CDH15: variants seen among roughly 807,000 people sequenced by gnomAD.
CDH15 encodes the protein cadherin-15.
CDH15 carries 73 observed loss-of-function variants against 69.4 expected under a neutral mutation model. The ratio of observed to expected loss-of-function variants is 1.05; its 90% CI spans 0.87 to 1.28. CDH15 has a LOEUF of 1.28. Ranked by LOEUF, CDH15 falls within the 50% of genes most tolerant of loss-of-function variation. CDH15 has a pLI of 0.00. For missense variants in CDH15, 1,343 were observed against 1,133.6 expected (o/e 1.18, Z -2.65); for synonymous variants, 624 against 507.7 (o/e 1.23, Z -3.08).
chr16:89,189,653 C>T (rs903192198), intron 7 of CDH15, among the ~76,000 whole-genome samples: 2 of 152,256 alleles, frequency 1.3e-5, no homozygotes, highest in Non-Finnish European at 2.9e-5. Context: ...AAAATCACAG[C>T]TGCACACCTG....
rs116961880 is a variant in CDH15 at position 89,177,345 on chromosome 16, G to A, written c.43-2071G>A. Among the ~76,000 whole-genome samples the A allele has an allele frequency of 3.8e-3, 580 of 152,296 alleles. 2 individuals carry two copies. Among genetic ancestry groups the A allele is most frequent in the Non-Finnish European group, 6.7e-3 (457 of 68,012 alleles). ...CCTTAACCACAATGAGGTGAAAGGG[G>A]AACACAGCTCCTCACTTTTGCCAGG... On this transcript the variant is annotated intron_variant, in intron 1 of 13. Coordinates refer to ENST00000289746, the MANE Select transcript of CDH15 (RefSeq NM_004933.3).
At chr16:89,193,428 C>A in intron 11 of CDH15, 42 bp from the exon 12 acceptor site, 2 of 1,559,114 alleles carry the variant, frequency 1.3e-6, no homozygotes, top group South Asian at 1.2e-5. Flanking sequence ...CCTGAAGTCG[C>A]GCCCTGTGCC....
chr16:89,178,442 T>C (rs912347292), intron 1 of CDH15, among the ~76,000 whole-genome samples: 3 of 151,914 alleles, frequency 2.0e-5, no homozygotes, highest in Admixed American at 6.6e-5. Flanking sequence ...GGTGAAGAGA[T>C]GAAGATTTTA....
Position 89,187,608 on chromosome 16 carries a change from C to A in CDH15, c.792+51C>A, listed in dbSNP as rs776127414. ...AGTAGCCCCTGCTTAGAGCTGCCTT[C>A]CCTTCTTGGGCTCCTGCAGAAGGCA... is the stretch of plus-strand genomic sequence containing the variant. On this transcript the variant is annotated intron_variant, in intron 6 of 13. Transcript: ENST00000289746. 1.9e-6 allele frequency: 3 copies of A among 1,609,720 alleles called. No homozygotes were observed. The Admixed American group carries it at 5.0e-5, about 27-fold the overall frequency.
chr16:89,182,276 C>G (rs555770046), intron 3 of CDH15, among the ~76,000 whole-genome samples: 36 of 55,798 alleles, frequency 6.5e-4, no homozygotes, highest in South Asian at 9.6e-4. Flanking sequence ...CCCCAAGCCT[C>G]CCCTCCCCCA....
rs750800895 is a variant in CDH15, at chr16:89,194,988, G to A, written c.2278G>A (p.Asp760Asn). Residue 760 changes from aspartate (D) to asparagine (N), a missense_variant, in exon 14 of 14, where the codon GAC (aspartate) becomes AAC (asparagine). Asp to Asn is a conservative substitution (Grantham distance 23). Transcript: ENST00000289746. ...CATCCTGTCCAGCCAGGGCGATGAG[G>A]ACCAGGACTACGACTACCTCAGAGA... Reference protein sequence around the residue: ...SSILSSQGDEDQDYDYLRDWG... With the variant: ...SSILSSQGDENQDYDYLRDWG... 2.5e-6 allele frequency: 4 copies of A among 1,611,832 alleles called. No individual in the cohort carries two copies. The highest frequency in any genetic ancestry group is 1.1e-5 in the South Asian group (1 of 90,896).
intron 3 of CDH15, chr16:89,182,822 A>G (rs1915407811): frequency 6.6e-6 from 1 of 152,060 alleles, no homozygotes; most frequent in Non-Finnish European, 1.5e-5. Flanking sequence ...TCACTTGGAA[A>G]CTGTAATTGT....
chr16:89,193,984 A>G (rs1915725893), intron 13 of CDH15, 71 bp downstream of exon 13: 2 of 1,499,706 alleles, frequency 1.3e-6, no homozygotes, highest in Non-Finnish European at 1.8e-6. Context: ...ACATGTACAC[A>G]CCTGCACATG....
chr16:89,183,465 G>T, intron 3 of CDH15, 83 bp from the exon 4 acceptor site: 1 of 1,497,684 alleles, frequency 6.7e-7, no homozygotes, highest in Non-Finnish European at 9.3e-7. Flanking sequence ...AAGTCTGAAC[G>T]TGCTGTCTCT....
chr16:89,185,534 G>A, intron 5 of CDH15: 1 of 684,878 alleles, frequency 1.5e-6, no homozygotes, highest in South Asian at 1.7e-5. Context: ...GCCCGGGTGG[G>A]AGGGGTCTGG....
chr16:89,184,645 C>T (rs1453582647), intron 4 of CDH15, among the ~76,000 whole-genome samples: 2 of 152,088 alleles, frequency 1.3e-5, no homozygotes, highest in Admixed American at 6.5e-5. Flanking sequence ...TTATCCTGTC[C>T]GTGCGTCCTC....
chr16:89,185,841 G>A (rs1423141388), intron 5 of CDH15: 3 of 233,800 alleles, frequency 1.3e-5, no homozygotes, highest in Non-Finnish European at 2.6e-5. Flanking sequence ...GCCCAGCACA[G>A]AGTAGGTGCT....
intron 1 of CDH15, among the ~76,000 whole-genome samples, chr16:89,179,102 C>T (rs1915318286): frequency 6.6e-6 from 1 of 152,256 alleles, no homozygotes; most frequent in Admixed American, 6.5e-5. Flanking sequence ...TCGCCAGGGG[C>T]TGCAGACAGC....
At chr16:89,190,780 G>A (rs542434374) in intron 8 of CDH15, among the ~76,000 whole-genome samples, 1 of 152,090 alleles carries the variant, frequency 6.6e-6, no homozygotes, top group African/African-American at 2.4e-5. Context: ...CTGGCCGTTC[G>A]CATCTCATTT....
chr16:89,174,368 C>T (rs1040538181), intron 1 of CDH15, among the ~76,000 whole-genome samples: 3 of 152,264 alleles, frequency 2.0e-5, no homozygotes, highest in East Asian at 1.9e-4. Context: ...CCCACCCACA[C>T]GCCACCAAGC....
chr16:89,175,646 A>G (rs1307976467), intron 1 of CDH15, among the ~76,000 whole-genome samples: 4 of 152,172 alleles, frequency 2.6e-5, no homozygotes, highest in African/African-American at 9.7e-5. Context: ...TGAAGGCCCC[A>G]TGCTGGGCAG....
rs587780300 is a variant in CDH15, at chr16:89,187,436, C to T, written c.671C>T (p.Ala224Val). The T allele has an allele frequency of 2.4e-5, 39 of 1,612,882 alleles. No individual in the cohort carries two copies. The highest frequency in any genetic ancestry group is 1.0e-4 in the Admixed American group (6 of 59,996). Reference protein sequence around the residue: ...VQVGLDREVVAVYNLTLQVAD... With the variant: ...VQVGLDREVVVVYNLTLQVAD... ...TGTGCCCCACATCCCCAGGTGGTCG[C>T]GGTGTACAATCTGACCCTGCAGGTG... The change falls in exon 6 of 14, where the codon GCG becomes GTG. Residue 224 changes from alanine (A) to valine (V), a missense_variant. Transcript: ENST00000289746.
chr16:89,192,464 C>G lies in CDH15; in HGVS notation c.1855+20C>G, dbSNP rs1378656113. The G allele has an allele frequency of 3.8e-6, 6 of 1,563,500 alleles. No homozygotes were observed. The highest frequency in any genetic ancestry group is 1.8e-5 in the Admixed American group (1 of 55,554). ...TGCTGGGTGAGTGAGCGCCCCGCCT[C>G]CACCTGGACCCTCGGACCCTCGGAC... On this transcript the variant is annotated intron_variant, in intron 11 of 13. Transcript: ENST00000289746.
intron 13 of CDH15, 91 bp from the exon 14 acceptor site, chr16:89,194,771 C>G (rs1915758338): frequency 3.0e-6 from 4 of 1,341,988 alleles, no homozygotes; most frequent in African/African-American, 1.4e-5. Flanking sequence ...GAGCCCGTGC[C>G]TTGAGCTGAC....
Sources: allele counts gnomAD v4.1 joint callset (sites outside exome capture counted in the v4.1 genomes callset), GRCh38; gene constraint gnomAD v4.1.1; transcripts MANE v1.5; gene names NCBI Gene and HGNC (gene_info 2026-07-23, HGNC 2026-07-21).